The following DIPK2B variants were observed in gnomAD, a reference collection of about 807,000 sequenced individuals.
The protein encoded by DIPK2B is UPF0672 protein CXorf36.
Under a neutral mutation model 22.2 loss-of-function variants are expected in DIPK2B, and 15 were observed. The observed-to-expected ratio is 0.68, with a 90% CI of 0.45 to 1.04. The LOEUF (loss-of-function observed/expected upper bound fraction) is 1.04, where lower values mean the gene tolerates loss of function less well. Ranked by LOEUF, DIPK2B falls within the 50% of genes least tolerant of loss-of-function variation. DIPK2B has a pLI of 0.00. For synonymous variants in DIPK2B, 163 were observed against 153.2 expected, an observed-to-expected ratio of 1.06 and a Z score of -0.47; for missense variants, 345 against 348.3, an observed-to-expected ratio of 0.99 and a Z score of 0.08.
chrX:45,166,698 A>G (rs2047050591), intron 2 of DIPK2B, among the ~76,000 whole-genome samples: 1 of 111,845 alleles, frequency 8.9e-6, no homozygotes, highest in African/African-American at 3.3e-5. Flanking sequence ...ACTACTGAAC[A>G]TATTCGAATA....
In DIPK2B at chrX:45,150,736, C is replaced by A. The variant is rs773915259; in HGVS notation, c.*916G>T. The A allele has an allele frequency of 8.1e-5, 9 of 111,372 alleles. No homozygotes were observed. The highest frequency in any genetic ancestry group is 2.9e-4 in the Admixed American group (3 of 10,489). 9.2% of individuals were successfully genotyped at this position (111,372 alleles called of 1,213,427 possible). A position where few individuals can be genotyped will look rare whatever the true frequency, so the allele number is the denominator to read the frequency against. On this transcript the variant is annotated 3_prime_UTR_variant, in exon 5 of 5. Transcript: ENST00000398000. ...CTTTGTCTTGAGGACACCCTGACAG[C>A]CTTGCTGAACCTTTCTTTGATTTTG...
intron 2 of DIPK2B, among the ~76,000 whole-genome samples, chrX:45,173,097 A>T (rs183585692): frequency 4.1e-4 from 46 of 111,943 alleles, no homozygotes; most frequent in African/African-American, 1.4e-3. Flanking sequence ...AGGCAGAAGC[A>T]TCAGGAGATT....
chrX:45,194,354 A>G (rs752279340), intron 1 of DIPK2B, among the ~76,000 whole-genome samples: 1 of 110,528 alleles, frequency 9.0e-6, no homozygotes, highest in Non-Finnish European at 1.9e-5. Context: ...GGTTTAAGCG[A>G]TTCTTCTGCC....
intron 1 of DIPK2B, among the ~76,000 whole-genome samples, chrX:45,199,464 C>A (rs949682450): frequency 9.9e-5 from 11 of 110,971 alleles, no homozygotes; most frequent in African/African-American, 3.3e-4. Context: ...AGACCCCCTG[C>A]CCCATATATC....
At chrX:45,166,360 A>G (rs1056287893) in intron 2 of DIPK2B, among the ~76,000 whole-genome samples, 3 of 110,945 alleles carry the variant, frequency 2.7e-5, no homozygotes, top group Non-Finnish European at 3.8e-5. Context: ...CTTTGTCTCC[A>G]GGAGAGCCAG....
intron 1 of DIPK2B, 31 bp downstream of exon 1, chrX:45,200,563 T>C: frequency 8.6e-7 from 1 of 1,157,990 alleles, no homozygotes; most frequent in Non-Finnish European, 1.2e-6. Flanking sequence ...CAGAATTTTG[T>C]GATTCAGAGT....
intron 2 of DIPK2B, chrX:45,163,914 G>T: frequency 1.1e-6 from 1 of 900,068 alleles, no homozygotes; most frequent in African/African-American, 2.1e-5. Flanking sequence ...CTGGATTGGG[G>T]TGGGCTCAGC....
intron 3 of DIPK2B, among the ~76,000 whole-genome samples, chrX:45,156,325 C>G (rs1321518166): frequency 9.0e-6 from 1 of 111,134 alleles, no homozygotes; most frequent in Non-Finnish European, 1.9e-5. Flanking sequence ...GGCCTACTGT[C>G]GTTGTCTACA....
chrX:45,197,170 C>G (rs961689346), intron 1 of DIPK2B, among the ~76,000 whole-genome samples: 5 of 107,834 alleles, frequency 4.6e-5, no homozygotes, highest in African/African-American at 1.3e-4. Flanking sequence ...GGGCTTTCCC[C>G]TAAGATGTCA....
chrX:45,179,132 T>C (rs2047135079), intron 2 of DIPK2B, among the ~76,000 whole-genome samples: 1 of 111,140 alleles, frequency 9.0e-6, no homozygotes, highest in African/African-American at 3.3e-5. Context: ...GGGTTGTGGG[T>C]AGAGGCCAGG....
chrX:45,168,341 G>A (rs996796670), intron 2 of DIPK2B, among the ~76,000 whole-genome samples: 3 of 112,543 alleles, frequency 2.7e-5, no homozygotes, highest in African/African-American at 9.7e-5. Flanking sequence ...AGAATTTGGA[G>A]TTTTCCTTGG....
intron 2 of DIPK2B, among the ~76,000 whole-genome samples, chrX:45,174,863 G>A (rs996554309): frequency 2.7e-5 from 3 of 111,662 alleles, no homozygotes; most frequent in Admixed American, 1.9e-4. Flanking sequence ...TCTTTGGAGG[G>A]AGTTAAATTC....
intron 2 of DIPK2B, chrX:45,162,275 A>C: frequency 1.9e-6 from 1 of 532,081 alleles, no homozygotes; most frequent in South Asian, 9.6e-5. Flanking sequence ...GCCCTGCTCA[A>C]GTTGCATATT....
rs184436139 is a variant in DIPK2B, at chrX:45,148,743, C to T, written c.*2909G>A. The T allele has an allele frequency of 8.9e-6, 1 of 112,272 alleles. No homozygotes were observed. Among genetic ancestry groups the T allele is most frequent in the Non-Finnish European group, 1.9e-5 (1 of 53,824 alleles). The allele number at this position is 112,272 out of a possible 1,213,427, so 9.3% of individuals were successfully genotyped here. On this transcript the variant is annotated 3_prime_UTR_variant, in exon 5 of 5. Coordinates refer to ENST00000398000, the MANE Select transcript of DIPK2B (RefSeq NM_176819.4). ...ATTTGGAGGGGACAAACATCCAAAC[C>T]ATATCACAGCTTACACTGTGGATGT...
rs995596586 is a variant in DIPK2B at position 45,192,447 on chromosome X, C to T, written c.234-432G>A. The stretch of plus-strand genomic sequence containing the variant: ...TGTTGCCAATCAGAGGTGCGGACCC[C>T]GGGCTGTCAGTCAGCAAACCCCAGT... On this transcript the variant is annotated intron_variant, in intron 1 of 4. Coordinates refer to ENST00000398000, the MANE Select transcript of DIPK2B (RefSeq NM_176819.4). Among the ~76,000 whole-genome samples the T allele has an allele frequency of 2.7e-5, 3 of 109,918 alleles. No homozygotes were observed. The East Asian group carries it at 8.7e-4, about 32-fold the overall frequency.
Position 45,155,961 on chromosome X carries a change from C to CTTTTTTT in DIPK2B, c.672+1747_672+1753dup, listed in dbSNP as rs757375184. Among the ~76,000 whole-genome samples, 77 of 55,252 alleles carry CTTTTTTT rather than the reference C, an allele frequency of 1.4e-3. 4 individuals are homozygous for CTTTTTTT. Among genetic ancestry groups the CTTTTTTT allele is most frequent in the South Asian group, 2.8e-3 (2 of 708 alleles). The allele number at this position is 55,252 out of a possible 115,157, so 48.0% of individuals were successfully genotyped here. A position where few individuals can be genotyped will look rare whatever the true frequency, so the allele number is the denominator to read the frequency against. ...AGTTTCCCCTGCCTAAAGGGGACCTCTTTTTTTTTTTTTTTTTTTTTTTTA... is the reference window on the plus strand; with the variant it reads ...AGTTTCCCCTGCCTAAAGGGGACCTCTTTTTTTTTTTTTTTTTTTTTTTTTTTTTTTA... On this transcript the variant is annotated intron_variant, in intron 3 of 4. Coordinates refer to ENST00000398000, the MANE Select transcript of DIPK2B (RefSeq NM_176819.4).
intron 1 of DIPK2B, among the ~76,000 whole-genome samples, chrX:45,199,083 G>T (rs758767788): frequency 5.4e-5 from 6 of 111,370 alleles, no homozygotes; most frequent in Non-Finnish European, 9.4e-5. Flanking sequence ...CTCAATCAGT[G>T]GTCTTTCAAA....
chrX:45,163,568 A>G (rs1288581574), intron 2 of DIPK2B: 1 of 752,953 alleles, frequency 1.3e-6, no homozygotes, highest in African/African-American at 2.3e-5. Context: ...AAAAAACATC[A>G]CCAGCAATCA....
chrX:45,186,171 C>CCTGT (rs1344441820), intron 2 of DIPK2B, among the ~76,000 whole-genome samples: 1 of 111,827 alleles, frequency 8.9e-6, no homozygotes. Flanking sequence ...TTAGATGATT[C>CCTGT]AAAATCTTAG....
Sources: gnomAD v4.1 joint callset for allele counts (sites outside exome capture counted in the v4.1 genomes callset) on GRCh38, gnomAD v4.1.1 for gene constraint, MANE v1.5 for transcripts, NCBI Gene and HGNC (gene_info 2026-07-23, HGNC 2026-07-21) for gene names.